CCDC192: variants seen among roughly 807,000 people sequenced by gnomAD.
The protein encoded by CCDC192 is coiled-coil domain containing 192.
intron 6 of CCDC192, among the ~76,000 whole-genome samples, chr5:127,900,208 A>G (rs1249449658): frequency 6.6e-6 from 1 of 152,214 alleles, no homozygotes; most frequent in South Asian, 2.1e-4. Context: ...TTTTGTTGAA[A>G]AAAAATATGG....
At chr5:127,839,831 G>C (rs1333592328) in intron 5 of CCDC192, among the ~76,000 whole-genome samples, 3 of 151,908 alleles carry the variant, frequency 2.0e-5, no homozygotes, top group Non-Finnish European at 4.4e-5. Context: ...GTACAAATAA[G>C]AGTTTTTAAA....
chr5:127,908,391 G>T (rs1753256970), intron 6 of CCDC192, among the ~76,000 whole-genome samples: 1 of 152,058 alleles, frequency 6.6e-6, no homozygotes, highest in South Asian at 2.1e-4. Flanking sequence ...TATGAACAGG[G>T]TTTTTCTAAA....
intron 6 of CCDC192, among the ~76,000 whole-genome samples, chr5:127,904,991 G>A (rs1753157447): frequency 6.6e-6 from 1 of 151,974 alleles, no homozygotes; most frequent in Admixed American, 6.6e-5. Flanking sequence ...TCCCCACCTG[G>A]GCAAATTGGA....
rs2126997608 is a variant in CCDC192 at position 127,810,001 on chromosome 5, C to T, written c.411+11839C>T. Among the ~76,000 whole-genome samples the T allele has an allele frequency of 1.3e-5, 2 of 152,304 alleles. 1 individual carries two copies. Among genetic ancestry groups the T allele is most frequent in the South Asian group, 4.1e-4 (2 of 4,828 alleles). On this transcript the variant is annotated intron_variant, in intron 5 of 6. Transcript: ENST00000514853. ...CCTTACACTGGATTTTACATTCAGG[C>T]TGCTATTTTCTTACATCTGTTCTAC...
intron 6 of CCDC192, among the ~76,000 whole-genome samples, chr5:127,914,394 T>C (rs1286033624): frequency 6.6e-6 from 1 of 152,208 alleles, no homozygotes; most frequent in Non-Finnish European, 1.5e-5. Context: ...TGGGACAATA[T>C]TCTAGTATCA....
intron 2 of CCDC192, among the ~76,000 whole-genome samples, chr5:127,716,188 T>A (rs559088425): frequency 6.6e-6 from 1 of 152,096 alleles, no homozygotes; most frequent in Non-Finnish European, 1.5e-5. Flanking sequence ...TAATGAGTAA[T>A]GTTTATTGAT....
At chr5:127,843,651 T>C (rs893954330) in intron 5 of CCDC192, among the ~76,000 whole-genome samples, 1 of 152,110 alleles carries the variant, frequency 6.6e-6, no homozygotes, top group African/African-American at 2.4e-5. Flanking sequence ...TTGGCCGGGC[T>C]GGTCTCGAAC....
intron 5 of CCDC192, among the ~76,000 whole-genome samples, chr5:127,861,850 G>A (rs919829950): frequency 1.3e-5 from 2 of 152,172 alleles, no homozygotes; most frequent in African/African-American, 4.8e-5. Flanking sequence ...TGTTGATGGA[G>A]TTAGGAAAAG....
chr5:127,827,912 T>A (rs570408582), intron 5 of CCDC192, among the ~76,000 whole-genome samples: 14 of 152,298 alleles, frequency 9.2e-5, no homozygotes, highest in Middle Eastern at 3.4e-3. Context: ...GCTAAGAATT[T>A]TTTTTTCCTT....
chr5:127,756,211 C>A (rs890135473), intron 3 of CCDC192, among the ~76,000 whole-genome samples: 1 of 151,976 alleles, frequency 6.6e-6, no homozygotes, highest in African/African-American at 2.4e-5. Flanking sequence ...ACCACCCAAT[C>A]AATGGGTTCA....
In CCDC192 at chr5:127,754,272, C is replaced by A. The variant is rs1052639847; in HGVS notation, c.119C>A (p.Ala40Glu). 2 of 397,796 alleles carry A rather than the reference C, an allele frequency of 5.0e-6. No individual in the cohort carries two copies. The highest frequency in any genetic ancestry group is 2.6e-4 in the South Asian group (2 of 7,834). 24.6% of individuals were successfully genotyped at this position (397,796 alleles called of 1,614,324 possible). A position where few individuals can be genotyped will look rare whatever the true frequency, so the allele number is the denominator to read the frequency against. The change falls in exon 3 of 7, where the codon GCG (alanine) becomes GAG (glutamate). Residue 40 changes from alanine (A) to glutamate (E), a missense_variant. By Grantham distance (107) the Ala-to-Glu change is moderately radical. Coordinates refer to ENST00000514853, the MANE Select transcript of CCDC192 (RefSeq NM_001317938.2). ...TTGATTTTTTTTTTTTTAAAGAAAG[C>A]GTCCCTGGATACTGGACAGATGGCG... ...DIPQENKVSK[A>E]SLDTGQMAFT...
At chr5:127,855,457 T>C (rs1281292777) in intron 5 of CCDC192, among the ~76,000 whole-genome samples, 1 of 152,214 alleles carries the variant, frequency 6.6e-6, no homozygotes, top group Non-Finnish European at 1.5e-5. Flanking sequence ...GTTGGAGTCT[T>C]GAACCCATCA....
intron 3 of CCDC192, among the ~76,000 whole-genome samples, chr5:127,764,215 AC>A (rs1319220150): frequency 6.6e-6 from 1 of 152,200 alleles, no homozygotes; most frequent in Non-Finnish European, 1.5e-5. Flanking sequence ...AAGAGAGAAA[AC>A]AGTGAGGGAC....
At chr5:127,831,304 C>A (rs1353604295) in intron 5 of CCDC192, among the ~76,000 whole-genome samples, 2 of 150,892 alleles carry the variant, frequency 1.3e-5, no homozygotes, top group Non-Finnish European at 1.5e-5. Context: ...AGTCTGTAAT[C>A]ATCAGAAGAA....
At position 127,920,271 on chromosome 5, in the gene CCDC192, A is replaced by G. The variant is rs56165929; in HGVS notation, c.536-20911A>G. Reference sequence around the variant, plus strand: ...TAATTCTGTGATTTATCATGAATAGATAAATAGAAAAAAATTATCTAAAAA... The same window carrying G: ...TAATTCTGTGATTTATCATGAATAGGTAAATAGAAAAAAATTATCTAAAAA... On this transcript the variant is annotated intron_variant, in intron 6 of 6. Coordinates refer to ENST00000514853, the MANE Select transcript of CCDC192 (RefSeq NM_001317938.2). Among the ~76,000 whole-genome samples the G allele has an allele frequency of 2.7e-3, 415 of 152,348 alleles. 2 individuals are homozygous for G. Among genetic ancestry groups the G allele is most frequent in the Admixed American group, 4.6e-3 (71 of 15,292 alleles).
At chr5:127,882,014 A>T (rs1381102322) in intron 6 of CCDC192, among the ~76,000 whole-genome samples, 1 of 152,186 alleles carries the variant, frequency 6.6e-6, no homozygotes, top group Non-Finnish European at 1.5e-5. Flanking sequence ...TAGCCTACAC[A>T]TGCATGTCCC....
In CCDC192 at chr5:127,883,792, G is replaced by A. The variant is rs546786628; in HGVS notation, c.535+8131G>A. On this transcript the variant is annotated intron_variant, in intron 6 of 6. Transcript: ENST00000514853. ...GAGACCTGTAGGCTTAAATAGCACT[G>A]ACGTAAAAACTAAGCATTGATCAGG... 7.2e-5 allele frequency among the ~76,000 whole-genome samples: 11 copies of A among 152,324 alleles called. No homozygotes were observed. In the East Asian group the frequency reaches 2.1e-3, roughly 29 times the overall value.
chr5:127,818,889 A>G (rs1425430085), intron 5 of CCDC192, among the ~76,000 whole-genome samples: 2 of 152,190 alleles, frequency 1.3e-5, no homozygotes, highest in East Asian at 3.8e-4. Flanking sequence ...TTCCTCAGAA[A>G]CCAACTTGAG....
intron 2 of CCDC192, among the ~76,000 whole-genome samples, chr5:127,750,516 G>A (rs1258466794): frequency 4.0e-5 from 6 of 151,594 alleles, no homozygotes; most frequent in African/African-American, 1.5e-4. Context: ...CATTTGCTGA[G>A]GAGTGCTTTA....
Sources: gnomAD v4.1 joint callset for allele counts (sites outside exome capture counted in the v4.1 genomes callset) on GRCh38, gnomAD v4.1.1 for gene constraint, MANE v1.5 for transcripts, NCBI Gene and HGNC (gene_info 2026-07-23, HGNC 2026-07-21) for gene names.